The following C7orf78 variants were observed in gnomAD, a reference collection of about 807,000 sequenced individuals.
The protein encoded by C7orf78 is chromosome 7 open reading frame 78.
At chr7:12,531,281 C>G in the C7orf78 span, among the ~76,000 whole-genome samples, 2 of 152,182 alleles carry the variant, frequency 1.3e-5, no homozygotes, top group Non-Finnish European at 2.9e-5. Context: ...ATCCCATTAT[C>G]AAATAATTAT....
At chr7:12,535,879 T>G in the C7orf78 span, among the ~76,000 whole-genome samples, 1 of 152,200 alleles carries the variant, frequency 6.6e-6, no homozygotes, top group African/African-American at 2.4e-5. Context: ...ACTCCATGTC[T>G]CACATCCAGG....
At chr7:12,513,050 G>C in the C7orf78 span, among the ~76,000 whole-genome samples, 2 of 93,408 alleles carry the variant, frequency 2.1e-5, no homozygotes, top group African/African-American at 8.8e-5. Context: ...GTTTCTTAGA[G>C]TCTTTTTTAT....
At chr7:12,541,293 C>A in the C7orf78 span, 6 of 152,266 alleles carry the variant, frequency 3.9e-5, no homozygotes, top group East Asian at 9.7e-4. Context: ...ATTTTGACCA[C>A]CATGTTTCTC....
At chr7:12,532,502 T>C in the C7orf78 span, among the ~76,000 whole-genome samples, 12 of 151,640 alleles carry the variant, frequency 7.9e-5, no homozygotes, top group South Asian at 1.7e-3. Context: ...TGAGCCAACA[T>C]TGTGCCACTG....
the C7orf78 span, among the ~76,000 whole-genome samples, chr7:12,513,557 T>C: frequency 6.6e-6 from 1 of 152,228 alleles, no homozygotes; most frequent in East Asian, 1.9e-4. Context: ...TGTATGGTTT[T>C]TGGAGTTCCC....
chr7:12,515,574 A>C, the C7orf78 span, among the ~76,000 whole-genome samples: 1 of 152,114 alleles, frequency 6.6e-6, no homozygotes, highest in South Asian at 2.1e-4. Flanking sequence ...CAGAGGCTGG[A>C]ACGGTTTGGA....
At chr7:12,526,067 A>C in the C7orf78 span, among the ~76,000 whole-genome samples, 1 of 152,138 alleles carries the variant, frequency 6.6e-6, no homozygotes, top group Non-Finnish European at 1.5e-5. Flanking sequence ...CAATACGTTT[A>C]CTTTTCTACC....
the C7orf78 span, among the ~76,000 whole-genome samples, chr7:12,500,354 G>T: frequency 1.3e-5 from 2 of 151,172 alleles, no homozygotes; most frequent in African/African-American, 4.9e-5. Context: ...AAGAAAAAAA[G>T]AGAGAAGAAT....
At chr7:12,525,158 C>A in the C7orf78 span, among the ~76,000 whole-genome samples, 4 of 151,924 alleles carry the variant, frequency 2.6e-5, no homozygotes, top group Non-Finnish European at 4.4e-5. Flanking sequence ...GAATATAACC[C>A]TGTTTAATTT....
the C7orf78 span, among the ~76,000 whole-genome samples, chr7:12,497,902 GCCT>G: frequency 6.7e-6 from 1 of 150,020 alleles, no homozygotes; most frequent in Non-Finnish European, 1.5e-5. Context: ...CGGGCAGACT[GCCT>G]CCTCAAGTGG....
chr7:12,513,643 TGAC>T, the C7orf78 span, among the ~76,000 whole-genome samples: 1 of 152,206 alleles, frequency 6.6e-6, no homozygotes, highest in East Asian at 1.9e-4. Context: ...AAATTTGTTA[TGAC>T]ATCTTTTGTG....
At chr7:12,489,851 G>T in the C7orf78 span, among the ~76,000 whole-genome samples, 3 of 151,914 alleles carry the variant, frequency 2.0e-5, no homozygotes, top group African/African-American at 7.2e-5. Context: ...AATGAAGCTG[G>T]CAGGAGAAAG....
chr7:12,517,047 G>A, the C7orf78 span, among the ~76,000 whole-genome samples: 1 of 151,990 alleles, frequency 6.6e-6, no homozygotes. Context: ...GATTTGGAGG[G>A]GCCAGGGGTG....
At chr7:12,488,262 C>G in the C7orf78 span, among the ~76,000 whole-genome samples, 1 of 152,184 alleles carries the variant, frequency 6.6e-6, no homozygotes, top group Non-Finnish European at 1.5e-5. Flanking sequence ...TCCCAAATCT[C>G]TAACAAGACT....
the C7orf78 span, among the ~76,000 whole-genome samples, chr7:12,487,359 CA>C: frequency 1.3e-5 from 2 of 151,932 alleles, no homozygotes; most frequent in Non-Finnish European, 1.5e-5. Context: ...GAAATAAACT[CA>C]AATAAAAGTA....
the C7orf78 span, among the ~76,000 whole-genome samples, chr7:12,497,255 C>G: frequency 2.0e-5 from 3 of 152,108 alleles, no homozygotes; most frequent in Non-Finnish European, 4.4e-5. Flanking sequence ...CTCCGGTCTA[C>G]AGCTCCCAGC....
At chr7:12,534,453 ACTAT>A in the C7orf78 span, among the ~76,000 whole-genome samples, 1 of 152,200 alleles carries the variant, frequency 6.6e-6, no homozygotes, top group African/African-American at 2.4e-5. Context: ...CCACAAAAAC[ACTAT>A]CTATAAAGAA....
the C7orf78 span, among the ~76,000 whole-genome samples, chr7:12,493,281 T>C: frequency 6.6e-6 from 1 of 152,202 alleles, no homozygotes; most frequent in African/African-American, 2.4e-5. Context: ...TAAATTGCTA[T>C]TAAAGTAGAT....
At chr7:12,520,215 G>A in the C7orf78 span, among the ~76,000 whole-genome samples, 38 of 152,212 alleles carry the variant, frequency 2.5e-4, no homozygotes, top group Middle Eastern at 0.01. Flanking sequence ...TTTGGACTCC[G>A]GTGTTCTCTA....
Sources: gnomAD v4.1 joint callset for allele counts (sites outside exome capture counted in the v4.1 genomes callset) on GRCh38, gnomAD v4.1.1 for gene constraint, MANE v1.5 for transcripts, NCBI Gene and HGNC (gene_info 2026-07-23, HGNC 2026-07-21) for gene names.